Variants in HECTD2 observed in about 807,000 individuals in gnomAD.
HECTD2 encodes the protein HECT domain E3 ubiquitin protein ligase 2.
HECTD2 carries 35 observed loss-of-function variants against 103.2 expected under a neutral mutation model. That is an observed-to-expected ratio of 0.34 (90% CI 0.26 to 0.45). HECTD2 has a LOEUF of 0.45. Among genes scored for constraint, HECTD2 ranks in the 20% least tolerant of loss-of-function variants. HECTD2 has a pLI of 1.00. For missense variants in HECTD2, 596 were observed against 937.4 expected (o/e 0.64, Z 4.76); for synonymous variants, 281 against 329.9 (o/e 0.85, Z 1.61).
At chr10:91,429,383 C>T (rs1344183523) in intron 2 of HECTD2, among the ~76,000 whole-genome samples, 1 of 152,220 alleles carries the variant, frequency 6.6e-6, no homozygotes, top group African/African-American at 2.4e-5. Context: ...CAGGATGATG[C>T]TGGCCTCATA....
chr10:91,414,711 C>T (rs1843050457), intron 1 of HECTD2, among the ~76,000 whole-genome samples: 1 of 152,076 alleles, frequency 6.6e-6, no homozygotes, highest in African/African-American at 2.4e-5. Context: ...TTTGGATAGG[C>T]AGAAGAAAGT....
In HECTD2 at chr10:91,484,672, C is replaced by A; in HGVS notation, c.970+17C>A. On this transcript the variant is annotated intron_variant, in intron 9 of 20. Coordinates refer to ENST00000298068, the MANE Select transcript of HECTD2 (RefSeq NM_182765.6). ...CTTTACTTAGTAGGTTTTTATTATT[C>A]TATCATTTTTTACTTTTCTTTTGTT... 1 of 1,567,820 alleles carries A rather than the reference C, an allele frequency of 6.4e-7. No homozygotes were observed. The highest frequency in any genetic ancestry group is 8.6e-7 in the Non-Finnish European group (1 of 1,160,244).
rs1031885359 is a variant in HECTD2, at chr10:91,451,543, C to A, written c.269-8884C>A. Among the ~76,000 whole-genome samples, 8 of 151,386 alleles carry A rather than the reference C, an allele frequency of 5.3e-5. No individual in the cohort carries two copies. In the East Asian group the frequency reaches 1.2e-3, roughly 22 times the overall value. Reference sequence around the variant, plus strand: ...ATAATAAAAAAAAAAGATACAAATTCTTGTGCCCCACTCCAGACCTACTGA... The same window carrying A: ...ATAATAAAAAAAAAAGATACAAATTATTGTGCCCCACTCCAGACCTACTGA... On this transcript the variant is annotated intron_variant, in intron 2 of 20. Transcript: ENST00000298068.
chr10:91,493,852 C>G (rs1228115536), intron 14 of HECTD2, among the ~76,000 whole-genome samples: 1 of 151,708 alleles, frequency 6.6e-6, no homozygotes, highest in South Asian at 2.1e-4. Context: ...TGTTCTTTCA[C>G]TTTGTGCTCA....
intron 13 of HECTD2, 137 bp downstream of exon 13, chr10:91,492,621 C>T (rs1275481554): frequency 1.5e-6 from 1 of 684,328 alleles, no homozygotes; most frequent in Non-Finnish European, 2.4e-6. Flanking sequence ...TGTTTAAGGA[C>T]TGTTATTTAC....
rs533995495 is a variant in HECTD2 at position 91,445,793 on chromosome 10, C to G, written c.269-14634C>G. ...GGGAAGCACAAGGGATCAGAGAAATCCCTCCCCTAGCCAAGGGAAGTCGTG... is the reference window on the plus strand; with the variant it reads ...GGGAAGCACAAGGGATCAGAGAAATGCCTCCCCTAGCCAAGGGAAGTCGTG... On this transcript the variant is annotated intron_variant, in intron 2 of 20. Transcript: ENST00000298068. Among the ~76,000 whole-genome samples the G allele has an allele frequency of 5.9e-5, 9 of 152,198 alleles. No homozygotes were observed. The East Asian group carries it at 1.7e-3, about 29-fold the overall frequency.
At chr10:91,429,799 A>G (rs1843755103) in intron 2 of HECTD2, among the ~76,000 whole-genome samples, 1 of 152,058 alleles carries the variant, frequency 6.6e-6, no homozygotes, top group Non-Finnish European at 1.5e-5. Flanking sequence ...CTAGCGGTCT[A>G]TCAATTTTGT....
At chr10:91,423,583 C>A (rs190885706) in intron 1 of HECTD2, among the ~76,000 whole-genome samples, 2 of 152,204 alleles carry the variant, frequency 1.3e-5, no homozygotes, top group African/African-American at 4.8e-5. Context: ...CATGTAGTGT[C>A]CATTACATCT....
intron 14 of HECTD2, 38 bp from the exon 15 acceptor site, chr10:91,496,176 T>C (rs752071577): frequency 4.7e-6 from 7 of 1,489,254 alleles, no homozygotes; most frequent in South Asian, 1.3e-5. Context: ...TTTGTTGTCA[T>C]GGATTTTATG....
rs58234316 is a variant in HECTD2, at chr10:91,426,567, T to TACACAC, written c.268+1169_268+1174dup. Among the ~76,000 whole-genome samples the TACACAC allele has an allele frequency of 4.5e-3, 682 of 150,168 alleles. 1 individual carries two copies. Among genetic ancestry groups the TACACAC allele is most frequent in the African/African-American group, 0.016 (653 of 40,938 alleles). On this transcript the variant is annotated intron_variant, in intron 2 of 20. Transcript: ENST00000298068. ...TCTTTCTTTTATTTGCATACAAACA[T>TACACAC]ACACACACACACACACAAGCACACA...
chr10:91,485,413 T>C, intron 10 of HECTD2, 110 bp downstream of exon 10: 1 of 755,020 alleles, frequency 1.3e-6, no homozygotes, highest in Non-Finnish European at 2.1e-6. Flanking sequence ...TATAAATGTA[T>C]AAATATAGTT....
rs1846324869 is a variant in HECTD2 at position 91,487,957 on chromosome 10, A to C, written c.1191+179A>C. ...TATTTACAATTTGGGAGACAAGATA[A>C]CTCTCATCTCTTCTGATCAACTTCT... is the stretch of plus-strand genomic sequence containing the variant. On this transcript the variant is annotated intron_variant, in intron 11 of 20. Coordinates refer to ENST00000298068, the MANE Select transcript of HECTD2 (RefSeq NM_182765.6). The surrounding 1 kb of genome is among the most constrained non-coding windows in gnomAD (Gnocchi z 4.1). 4.6e-6 allele frequency: 2 copies of C among 438,120 alleles called. No homozygotes were observed. Among genetic ancestry groups the C allele is most frequent in the Admixed American group, 3.8e-5 (1 of 26,538 alleles). The allele number at this position is 438,120 out of a possible 1,614,324, so 27.1% of individuals were successfully genotyped here.
At chr10:91,449,736 T>C (rs938138545) in intron 2 of HECTD2, among the ~76,000 whole-genome samples, 1 of 150,520 alleles carries the variant, frequency 6.6e-6, no homozygotes, top group African/African-American at 2.4e-5. Context: ...AGCATTCCTA[T>C]ACACAAATAA....
In HECTD2 at chr10:91,478,294, A is replaced by G. The variant is rs201945945; in HGVS notation, c.665+29A>G. On this transcript the variant is annotated intron_variant, in intron 6 of 20. Coordinates refer to ENST00000298068, the MANE Select transcript of HECTD2 (RefSeq NM_182765.6). ...AACTAATATTTTCAATATTTAGCTA[A>G]TCAGTATAGATGTCTAACTTACACA... 17 of 1,300,990 alleles carry G rather than the reference A, an allele frequency of 1.3e-5. No homozygotes were observed. The African/African-American group carries it at 2.0e-4, about 16-fold the overall frequency. 80.6% of individuals were successfully genotyped at this position (1,300,990 alleles called of 1,614,324 possible). A position where few individuals can be genotyped will look rare whatever the true frequency, so the allele number is the denominator to read the frequency against.
In HECTD2 at chr10:91,514,682, G is replaced by GT. The variant is rs1564744531; in HGVS notation, c.*2299dup. 1 of 152,422 alleles carries GT rather than the reference G, an allele frequency of 6.6e-6. No homozygotes were observed. The allele number at this position is 152,422 out of a possible 1,614,324, so 9.4% of individuals were successfully genotyped here. A position where few individuals can be genotyped will look rare whatever the true frequency, so the allele number is the denominator to read the frequency against. ...TGTCTGTATGATTAGAAGTTTTTAC[G>GT]TCCTTCCTTTTTTGTACAAATCTGT... On this transcript the variant is annotated 3_prime_UTR_variant, in exon 21 of 21. Coordinates refer to ENST00000298068, the MANE Select transcript of HECTD2 (RefSeq NM_182765.6).
At chr10:91,500,660 A>T (rs1846864603) in intron 19 of HECTD2, 43 bp downstream of exon 19, 1 of 914,574 alleles carries the variant, frequency 1.1e-6, no homozygotes, top group South Asian at 1.3e-5. Context: ...GTGGAGAGGG[A>T]ACAGCAGACA....
chr10:91,428,485 A>G (rs377693022), intron 2 of HECTD2, among the ~76,000 whole-genome samples: 5 of 151,546 alleles, frequency 3.3e-5, no homozygotes, highest in African/African-American at 7.3e-5. Flanking sequence ...CCATTTTCAC[A>G]ATATTGATTC....
At chr10:91,454,718 C>G (rs1001097243) in intron 2 of HECTD2, among the ~76,000 whole-genome samples, 7 of 151,972 alleles carry the variant, frequency 4.6e-5, no homozygotes, top group Non-Finnish European at 8.8e-5. Flanking sequence ...ATCGCTCCCC[C>G]CTCCCCCTAC....
intron 11 of HECTD2, chr10:91,488,720 T>C (rs1324023664): frequency 2.0e-5 from 3 of 152,154 alleles, no homozygotes; most frequent in African/African-American, 7.2e-5. Context: ...AAGGTGAGTA[T>C]TTCTTTCTAT....
Sources: allele counts gnomAD v4.1 joint callset (sites outside exome capture counted in the v4.1 genomes callset), GRCh38; gene constraint gnomAD v4.1.1; non-coding constraint Gnocchi (gnomAD v3.1); transcripts MANE v1.5; gene names NCBI Gene and HGNC (gene_info 2026-07-23, HGNC 2026-07-21).